The following KCNQ1 variants were observed in gnomAD, a reference collection of about 807,000 sequenced individuals.
The protein encoded by KCNQ1 is potassium voltage-gated channel subfamily Q member 1.
A neutral mutation model predicts 72.4 loss-of-function variants in KCNQ1; 49 were observed. The ratio of observed to expected loss-of-function variants is 0.68; its 90% CI spans 0.54 to 0.86. The LOEUF is 0.86. KCNQ1 is among the 40% of genes least tolerant of loss of function. KCNQ1 has a pLI of 0.00. For missense variants in KCNQ1, 790 were observed against 945.1 expected, an observed-to-expected ratio of 0.84 and a Z score of 2.15; for synonymous variants, 450 against 412.6, an observed-to-expected ratio of 1.09 and a Z score of -1.10.
Position 2,657,990 on chromosome 11 carries a change from G to GT in KCNQ1, c.1394-3970dup. On this transcript the variant is annotated intron_variant, in intron 10 of 15. Transcript: ENST00000155840. The surrounding 1 kb of genome is among the most constrained non-coding windows in gnomAD (Gnocchi z 4.8). Reference sequence around the variant, plus strand: ...GTGGTGTCGGCCAGGCTCCTCCACTGTAAGTGAATAGCTGTTTTTCCCTTT... The same window carrying GT: ...GTGGTGTCGGCCAGGCTCCTCCACTGTTAAGTGAATAGCTGTTTTTCCCTTT... The GT allele has an allele frequency of 2.5e-6, 1 of 398,592 alleles. No individual in the cohort carries two copies. The highest frequency in any genetic ancestry group is 4.4e-6 in the Non-Finnish European group (1 of 226,056). The allele number at this position is 398,592 out of a possible 1,614,324, so 24.7% of individuals were successfully genotyped here.
In KCNQ1 at chr11:2,671,127, G is replaced by A. The variant is rs1235781598; in HGVS notation, c.1514+9046G>A. 2.5e-6 allele frequency: 1 copy of A among 398,672 alleles called. No homozygotes were observed. The allele number at this position is 398,672 out of a possible 1,614,324, so 24.7% of individuals were successfully genotyped here. The stretch of plus-strand genomic sequence containing the variant: ...CTGAGCAGTTAGTCTGTCAGGCCTG[G>A]TTGGTCCCATGGGAGGCCTGAGGTG... On this transcript the variant is annotated intron_variant, in intron 11 of 15. Coordinates refer to ENST00000155840, the MANE Select transcript of KCNQ1 (RefSeq NM_000218.3). The surrounding 1 kb of genome is among the most constrained non-coding windows in gnomAD (Gnocchi z 4.7).
rs192427542 is a variant in KCNQ1 at position 2,663,897 on chromosome 11, G to T, written c.1514+1816G>T. On this transcript the variant is annotated intron_variant, in intron 11 of 15. Coordinates refer to ENST00000155840, the MANE Select transcript of KCNQ1 (RefSeq NM_000218.3). The surrounding 1 kb of genome is among the most constrained non-coding windows in gnomAD (Gnocchi z 5.2). ...CCCAAGGGTGACCCCAAGCCAGTGT[G>T]GCTGTGTCATCTAGGACACTGGGCT... 2.5e-5 allele frequency: 10 copies of T among 398,584 alleles called. No individual in the cohort carries two copies. The Admixed American group carries it at 4.0e-4, about 16-fold the overall frequency. 24.7% of individuals were successfully genotyped at this position (398,584 alleles called of 1,614,324 possible).
In KCNQ1 at chr11:2,495,623, C is replaced by T. The variant is rs1010004112; in HGVS notation, c.387-32305C>T. 1.3e-5 allele frequency among the ~76,000 whole-genome samples: 2 copies of T among 152,192 alleles called. No individual in the cohort carries two copies. The highest frequency in any genetic ancestry group is 1.5e-5 in the Non-Finnish European group (1 of 68,034). On this transcript the variant is annotated intron_variant, in intron 1 of 15. Coordinates refer to ENST00000155840, the MANE Select transcript of KCNQ1 (RefSeq NM_000218.3). This position sits in a 1 kb window ranked among gnomAD's most constrained non-coding sequence, Gnocchi z 4.6. ...AGTAGTCATTCAGTAGCAGGTTGTT[C>T]AATTTCCATGTATCTGTGTGGTTTT...
rs1242484031 is a variant in KCNQ1 at position 2,499,987 on chromosome 11, G to C, written c.387-27941G>C. Among the ~76,000 whole-genome samples the C allele has an allele frequency of 2.6e-5, 4 of 152,196 alleles. No individual in the cohort carries two copies. The East Asian group carries it at 7.7e-4, about 29-fold the overall frequency. ...TCAAGCATCTTCTCTGACCAGTACAGAATAAAACTAGAAGTTAATAATGAG... is the reference window on the plus strand; with the variant it reads ...TCAAGCATCTTCTCTGACCAGTACACAATAAAACTAGAAGTTAATAATGAG... On this transcript the variant is annotated intron_variant, in intron 1 of 15. Coordinates refer to ENST00000155840, the MANE Select transcript of KCNQ1 (RefSeq NM_000218.3).
At chr11:2,845,337 C>T (rs759556924) in intron 15 of KCNQ1, among the ~76,000 whole-genome samples, 1 of 152,182 alleles carries the variant, frequency 6.6e-6, no homozygotes, top group Admixed American at 6.5e-5. Context: ...GGAGACATGG[C>T]ACTTTCAGCC....
intron 10 of KCNQ1, chr11:2,635,750 T>C (rs941495256): frequency 3.2e-4 from 49 of 152,214 alleles, no homozygotes; most frequent in Non-Finnish European, 1.6e-4. Context: ...GGGGATGGCA[T>C]TGAATTTATA....
At chr11:2,707,035 A>C (rs527259245) in intron 11 of KCNQ1, among the ~76,000 whole-genome samples, 182 of 152,264 alleles carry the variant, frequency 1.2e-3, no homozygotes, top group African/African-American at 4.2e-3. Flanking sequence ...TGGGACATGG[A>C]TAAGGCTAAG....
Position 2,645,873 on chromosome 11 carries a change from G to T in KCNQ1, c.1394-16088G>T. The T allele has an allele frequency of 2.5e-6, 1 of 398,590 alleles. No individual in the cohort carries two copies. The highest frequency in any genetic ancestry group is 3.6e-5 in the East Asian group (1 of 28,074). 24.7% of individuals were successfully genotyped at this position (398,590 alleles called of 1,614,324 possible). On this transcript the variant is annotated intron_variant, in intron 10 of 15. Transcript: ENST00000155840. This position sits in a 1 kb window ranked among gnomAD's most constrained non-coding sequence, Gnocchi z 5.8. Reference sequence around the variant, plus strand: ...ATGTGTGAATTGCCTGAGGATTCAGGGTGATCTCCCTCTCTGGGAGCTGTT... The same window carrying T: ...ATGTGTGAATTGCCTGAGGATTCAGTGTGATCTCCCTCTCTGGGAGCTGTT...
chr11:2,754,382 C>T (rs1032053986), intron 11 of KCNQ1, among the ~76,000 whole-genome samples: 1 of 152,206 alleles, frequency 6.6e-6, no homozygotes, highest in African/African-American at 2.4e-5. Context: ...GGGAACTTAA[C>T]ATGATGAGTC....
At chr11:2,554,895 T>G (rs1296249619) in intron 2 of KCNQ1, among the ~76,000 whole-genome samples, 1 of 152,224 alleles carries the variant, frequency 6.6e-6, no homozygotes, top group Non-Finnish European at 1.5e-5. Flanking sequence ...GGAAAACAAC[T>G]GTTTAAATTC....
Position 2,471,734 on chromosome 11 carries a change from ATG to A in KCNQ1, c.386+26255_386+26256del, listed in dbSNP as rs36093649. 0.19 allele frequency among the ~76,000 whole-genome samples: 27,311 copies of A among 143,084 alleles called. 2,614 individuals are homozygous for A. Among genetic ancestry groups the A allele is most frequent in the Admixed American group, 0.28 (4,193 of 14,828 alleles). The allele number at this position is 143,084 out of a possible 152,430, so 93.9% of individuals were successfully genotyped here. On this transcript the variant is annotated intron_variant, in intron 1 of 15. Coordinates refer to ENST00000155840, the MANE Select transcript of KCNQ1 (RefSeq NM_000218.3). This position sits in a 1 kb window ranked among gnomAD's most constrained non-coding sequence, Gnocchi z 4.8. ...TGTGTATGTGTGCATGGGCGTGTGT[ATG>A]TGTGCATGGGCGTGTGTGTACTTGT...
At chr11:2,775,819 C>G (rs55647309) in intron 12 of KCNQ1, 141 bp from the exon 13 acceptor site, 6 of 812,396 alleles carry the variant, frequency 7.4e-6, no homozygotes, top group Non-Finnish European at 1.2e-5. Flanking sequence ...ACGCTTGGAA[C>G]CAGGCTTATG....
chr11:2,514,172 G>A (rs1255709949), intron 1 of KCNQ1, among the ~76,000 whole-genome samples: 2 of 152,194 alleles, frequency 1.3e-5, no homozygotes, highest in Non-Finnish European at 1.5e-5. Flanking sequence ...CCTCGCTGGC[G>A]GCCATGGAGG....
Position 2,847,694 on chromosome 11 carries a change from C to T in KCNQ1, c.1795-73C>T, listed in dbSNP as rs1294736659. On this transcript the variant is annotated intron_variant, in intron 15 of 15. Coordinates refer to ENST00000155840, the MANE Select transcript of KCNQ1 (RefSeq NM_000218.3). ...CACCTTCCCTTCTCTGGCCCCAAACCTGGGCCCTGAGGCTGTCTGCACACC... is the reference window on the plus strand; with the variant it reads ...CACCTTCCCTTCTCTGGCCCCAAACTTGGGCCCTGAGGCTGTCTGCACACC... 8 of 1,410,542 alleles carry T rather than the reference C, an allele frequency of 5.7e-6. No homozygotes were observed. The Admixed American group carries it at 1.4e-4, about 24-fold the overall frequency. 87.4% of individuals were successfully genotyped at this position (1,410,542 alleles called of 1,614,324 possible).
intron 15 of KCNQ1, among the ~76,000 whole-genome samples, chr11:2,843,707 A>C (rs1848258562): frequency 6.6e-6 from 1 of 152,244 alleles, no homozygotes; most frequent in Admixed American, 6.5e-5. Context: ...TTTCTTTTGA[A>C]AACAAATTCA....
At chr11:2,672,452 A>G (rs1041203735) in intron 11 of KCNQ1, 1 of 398,656 alleles carries the variant, frequency 2.5e-6, no homozygotes, top group Non-Finnish European at 4.4e-6. Flanking sequence ...AAGAGCTTCA[A>G]TTGAGATATC....
chr11:2,556,277 C>T (rs1049774003), intron 2 of KCNQ1, among the ~76,000 whole-genome samples: 1 of 152,192 alleles, frequency 6.6e-6, no homozygotes, highest in African/African-American at 2.4e-5. Flanking sequence ...TCTGCAGCAA[C>T]CCTATTTCCA....
chr11:2,531,425 C>T (rs1847628541), intron 2 of KCNQ1, among the ~76,000 whole-genome samples: 1 of 152,108 alleles, frequency 6.6e-6, no homozygotes, highest in African/African-American at 2.4e-5. Context: ...TAGGGTTGCT[C>T]CCTAGGATGC....
Position 2,678,011 on chromosome 11 carries a change from T to TA in KCNQ1, c.1514+15934dup. The TA allele has an allele frequency of 2.9e-6, 1 of 339,044 alleles. No homozygotes were observed. The highest frequency in any genetic ancestry group is 2.2e-4 in the South Asian group (1 of 4,584). The allele number at this position is 339,044 out of a possible 1,614,324, so 21.0% of individuals were successfully genotyped here. A position where few individuals can be genotyped will look rare whatever the true frequency, so the allele number is the denominator to read the frequency against. On this transcript the variant is annotated intron_variant, in intron 11 of 15. Transcript: ENST00000155840. This position sits in a 1 kb window ranked among gnomAD's most constrained non-coding sequence, Gnocchi z 4.9. Reference sequence around the variant, plus strand: ...TGAGGTTTTTATCTTTCCAAATGCTTAAAATCATTTGTTTTTCTTTCTTGT... The same window carrying TA: ...TGAGGTTTTTATCTTTCCAAATGCTTAAAAATCATTTGTTTTTCTTTCTTGT...
Sources: gnomAD v4.1 joint callset for allele counts (sites outside exome capture counted in the v4.1 genomes callset) on GRCh38, gnomAD v4.1.1 for gene constraint, Gnocchi (gnomAD v3.1) non-coding constraint, MANE v1.5 for transcripts, NCBI Gene and HGNC (gene_info 2026-07-23, HGNC 2026-07-21) for gene names.